Variants in SGCZ observed in about 807,000 individuals in gnomAD.
The protein encoded by SGCZ is sarcoglycan zeta.
SGCZ carries 40 observed loss-of-function variants against 41.3 expected under a neutral mutation model. The ratio of observed to expected loss-of-function variants is 0.97; its 90% CI spans 0.75 to 1.26. SGCZ has a LOEUF of 1.26. Ranked by LOEUF, SGCZ falls within the 50% of genes most tolerant of loss-of-function variation. The probability of loss-of-function intolerance (pLI) is 0.00; values close to 1 mark genes in which losing one functional copy is unlikely to be tolerated. For missense variants in SGCZ, 552 were observed against 369.8 expected (o/e 1.49, Z -4.04); for synonymous variants, 206 against 137.5 (o/e 1.50, Z -3.49).
At chr8:14,705,387 G>A (rs1330060167) in intron 1 of SGCZ, among the ~76,000 whole-genome samples, 2 of 151,864 alleles carry the variant, frequency 1.3e-5, no homozygotes, top group African/African-American at 4.8e-5. Context: ...ATGTGACTAT[G>A]TGACTATAAT....
intron 2 of SGCZ, among the ~76,000 whole-genome samples, chr8:14,326,400 AAG>A (rs1020611068): frequency 6.6e-6 from 1 of 152,108 alleles, no homozygotes; most frequent in African/African-American, 2.4e-5. Flanking sequence ...AAAAATTTTG[AAG>A]AGAGAAAAAA....
chr8:14,381,220 G>C (rs537461354), intron 2 of SGCZ, among the ~76,000 whole-genome samples: 1 of 152,184 alleles, frequency 6.6e-6, no homozygotes, highest in African/African-American at 2.4e-5. Context: ...TTTGGCCAGA[G>C]GCCATTACAA....
At chr8:14,568,603 C>T (rs889755407) in intron 1 of SGCZ, among the ~76,000 whole-genome samples, 11 of 152,048 alleles carry the variant, frequency 7.2e-5, no homozygotes, top group African/African-American at 2.7e-4. Context: ...TCAGAGTCTT[C>T]CTACCAGCAA....
At chr8:14,715,344 C>G (rs1355411924) in intron 1 of SGCZ, among the ~76,000 whole-genome samples, 1 of 152,002 alleles carries the variant, frequency 6.6e-6, no homozygotes, top group African/African-American at 2.4e-5. Context: ...CACAGATAAG[C>G]TGATGAAAGG....
At position 14,446,457 on chromosome 8, in the gene SGCZ, A is replaced by T. The variant is rs192721748; in HGVS notation, c.234+108275T>A. On this transcript the variant is annotated intron_variant, in intron 2 of 7. Transcript: ENST00000382080. ...CTTTGTTCCAAATGACAATTCTCTG[A>T]TTCCCAAATAAATTGTATAGAGATT... Among the ~76,000 whole-genome samples the T allele has an allele frequency of 2.8e-4, 42 of 152,324 alleles. 1 individual carries two copies. In the East Asian group the frequency reaches 7.5e-3, roughly 27 times the overall value.
In SGCZ at chr8:15,062,409, G is replaced by C. The variant is rs568319927; in HGVS notation, c.39+175176C>G. On this transcript the variant is annotated intron_variant, in intron 1 of 7. Transcript: ENST00000382080. ...AAACTACTAACTAAAGTAGGTTTTC[G>C]TCTGTCTGTACATTTCTAGAAAAAG... Among the ~76,000 whole-genome samples the C allele has an allele frequency of 6.6e-5, 10 of 152,074 alleles. No individual in the cohort carries two copies. In the East Asian group the frequency reaches 1.7e-3, roughly 26 times the overall value.
In SGCZ at chr8:14,237,599, C is replaced by A; in HGVS notation, c.417G>T (p.Leu139=). 1 of 1,613,824 alleles carries A rather than the reference C, an allele frequency of 6.2e-7. No homozygotes were observed. Among genetic ancestry groups the A allele is most frequent in the South Asian group, 1.1e-5 (1 of 91,032 alleles). The change falls in exon 4 of 8, where the codon CTG becomes CTT. Residue 139 remains leucine (L), a synonymous_variant. Coordinates refer to ENST00000382080, the MANE Select transcript of SGCZ (RefSeq NM_139167.4). ...RNHMGQLTGQ[L]TIGADAVEAQ... ...TTACCCCAAAACACTCACCTATGGT[C>A]AGCTGTCCGGTTAACTGCCCCATGT...
chr8:14,732,316 T>C (rs981851825), intron 1 of SGCZ, among the ~76,000 whole-genome samples: 1 of 152,168 alleles, frequency 6.6e-6, no homozygotes, highest in African/African-American at 2.4e-5. Context: ...AGGGGTAATA[T>C]CTGGGTGTGG....
At chr8:14,755,973 T>G (rs901750776) in intron 1 of SGCZ, among the ~76,000 whole-genome samples, 6 of 152,102 alleles carry the variant, frequency 3.9e-5, no homozygotes, top group African/African-American at 1.4e-4. Context: ...AAATATGTAG[T>G]TCATAGGAAA....
intron 1 of SGCZ, among the ~76,000 whole-genome samples, chr8:14,874,356 G>T (rs1056835964): frequency 1.3e-5 from 2 of 152,042 alleles, no homozygotes; most frequent in Admixed American, 6.6e-5. Flanking sequence ...AATAGGACTT[G>T]GCTCATAATT....
intron 1 of SGCZ, among the ~76,000 whole-genome samples, chr8:14,566,323 A>G (rs1804358137): frequency 6.6e-6 from 1 of 152,240 alleles, no homozygotes; most frequent in African/African-American, 2.4e-5. Flanking sequence ...GAAGGAGTAC[A>G]GCATTCAATG....
At chr8:14,374,132 C>G (rs561775646) in intron 2 of SGCZ, among the ~76,000 whole-genome samples, 1 of 152,150 alleles carries the variant, frequency 6.6e-6, no homozygotes, top group African/African-American at 2.4e-5. Context: ...AATCCCGGCA[C>G]TTTGGAAGGC....
At chr8:14,567,514 T>G (rs901593692) in intron 1 of SGCZ, among the ~76,000 whole-genome samples, 1 of 152,062 alleles carries the variant, frequency 6.6e-6, no homozygotes, top group Non-Finnish European at 1.5e-5. Context: ...ATCAGCACCT[T>G]GTCAAAACAA....
chr8:14,398,610 CAAAGA>C (rs1563303718), intron 2 of SGCZ, among the ~76,000 whole-genome samples: 1 of 149,900 alleles, frequency 6.7e-6, no homozygotes, highest in African/African-American at 2.5e-5. Context: ...TCTGGGAGAA[CAAAGA>C]AAAGGCTCAA....
At chr8:14,548,968 C>T (rs1018344804) in intron 2 of SGCZ, among the ~76,000 whole-genome samples, 4 of 152,084 alleles carry the variant, frequency 2.6e-5, no homozygotes, top group African/African-American at 7.2e-5. Context: ...GCTATTTTCT[C>T]TTCCTGTTAA....
chr8:15,068,065 C>G (rs569564927), intron 1 of SGCZ, among the ~76,000 whole-genome samples: 2 of 152,236 alleles, frequency 1.3e-5, no homozygotes, highest in Non-Finnish European at 2.9e-5. Flanking sequence ...ATAGGACATA[C>G]GAGCAGTGCC....
intron 5 of SGCZ, among the ~76,000 whole-genome samples, chr8:14,113,150 C>T (rs1443505121): frequency 6.6e-6 from 1 of 152,086 alleles, no homozygotes; most frequent in Non-Finnish European, 1.5e-5. Context: ...ATTGATATCT[C>T]ACCTGTGCAA....
At position 15,083,614 on chromosome 8, in the gene SGCZ, T is replaced by C. The variant is rs185400884; in HGVS notation, c.39+153971A>G. Among the ~76,000 whole-genome samples the C allele has an allele frequency of 5.2e-3, 799 of 152,292 alleles. 3 individuals carry two copies. The highest frequency in any genetic ancestry group is 0.018 in the African/African-American group (769 of 41,574). Reference sequence around the variant, plus strand: ...CCTAGGCTGGAGTCCAGTGGTTCTATCACAGCTCACTGCAGCCTTGACCTC... The same window carrying C: ...CCTAGGCTGGAGTCCAGTGGTTCTACCACAGCTCACTGCAGCCTTGACCTC... On this transcript the variant is annotated intron_variant, in intron 1 of 7. Coordinates refer to ENST00000382080, the MANE Select transcript of SGCZ (RefSeq NM_139167.4).
At chr8:14,963,442 G>A (rs913144059) in intron 1 of SGCZ, among the ~76,000 whole-genome samples, 3 of 151,782 alleles carry the variant, frequency 2.0e-5, no homozygotes, top group Non-Finnish European at 4.4e-5. Context: ...GGGTTCAAGT[G>A]ATTCTCCTGC....
Sources: allele counts gnomAD v4.1 joint callset (sites outside exome capture counted in the v4.1 genomes callset), GRCh38; gene constraint gnomAD v4.1.1; transcripts MANE v1.5; gene names NCBI Gene and HGNC (gene_info 2026-07-23, HGNC 2026-07-21).